Variants in CNTN1 observed in about 807,000 individuals in gnomAD.
CNTN1 encodes the protein contactin-1.
Under a neutral mutation model 126.4 loss-of-function variants are expected in CNTN1, and 38 were observed. The observed-to-expected ratio is 0.30, with a 90% confidence interval of 0.23 to 0.39. CNTN1 has a LOEUF of 0.39. Ranked by LOEUF, CNTN1 falls within the 10% of genes least tolerant of loss-of-function variation. The probability of loss-of-function intolerance (pLI) is 1.00; values close to 1 mark genes in which losing one functional copy is unlikely to be tolerated. For missense variants in CNTN1, 1,009 were observed against 1,248.4 expected, an observed-to-expected ratio of 0.81 and a Z score of 2.89; for synonymous variants, 413 against 422.6, an observed-to-expected ratio of 0.98 and a Z score of 0.28.
intron 1 of CNTN1, among the ~76,000 whole-genome samples, chr12:40,782,971 A>T (rs1476210945): frequency 6.6e-6 from 1 of 151,998 alleles, no homozygotes; most frequent in East Asian, 1.9e-4. Flanking sequence ...GATTAGATGA[A>T]AGGAATAAAG....
chr12:40,982,248 C>G (rs1432745081), intron 16 of CNTN1, among the ~76,000 whole-genome samples: 1 of 152,024 alleles, frequency 6.6e-6, no homozygotes, highest in African/African-American at 2.4e-5. Flanking sequence ...TAAGAATTAT[C>G]TGTAAATATT....
chr12:40,794,668 G>A (rs1197633422), intron 1 of CNTN1, among the ~76,000 whole-genome samples: 4 of 151,990 alleles, frequency 2.6e-5, no homozygotes, highest in Non-Finnish European at 4.4e-5. Context: ...ATGTACAGAG[G>A]TTTACAGCAC....
intron 6 of CNTN1, among the ~76,000 whole-genome samples, chr12:40,925,354 G>A (rs1044285663): frequency 2.6e-5 from 4 of 151,186 alleles, no homozygotes; most frequent in African/African-American, 9.7e-5. Context: ...TATTCTTTTA[G>A]TTCTAATATT....
At position 40,951,714 on chromosome 12, in the gene CNTN1, TTAAAAAAAAAAAA is replaced by T. The variant is rs1467214072; in HGVS notation, c.1684-7399_1684-7387del. Among the ~76,000 whole-genome samples the T allele has an allele frequency of 7.5e-5, 6 of 79,626 alleles. No individual in the cohort carries two copies. The East Asian group carries it at 1.6e-3, about 22-fold the overall frequency. 52.2% of individuals were successfully genotyped at this position (79,626 alleles called of 152,430 possible). ...AAAGAGTGAGACTTTGTCTCAAAATTTAAAAAAAAAAAAAAAAAAAAAAAAAAAGAAGAAAAGG... is the reference window on the plus strand; with the variant it reads ...AAAGAGTGAGACTTTGTCTCAAAATTAAAAAAAAAAAAAAAGAAGAAAAGG... On this transcript the variant is annotated intron_variant, in intron 14 of 23. Transcript: ENST00000551295.
In CNTN1 at chr12:40,958,870, G is replaced by C. The variant is rs180841613; in HGVS notation, c.1684-244G>C. On this transcript the variant is annotated intron_variant, in intron 14 of 23. Coordinates refer to ENST00000551295, the MANE Select transcript of CNTN1 (RefSeq NM_001843.4). ...TGAGTTTCTCTCGATATAACCCTCTGATTGTGGAAATAATAGAATGTTAAA... is the reference window on the plus strand; with the variant it reads ...TGAGTTTCTCTCGATATAACCCTCTCATTGTGGAAATAATAGAATGTTAAA... 1.5e-4 allele frequency among the ~76,000 whole-genome samples: 23 copies of C among 152,080 alleles called. No individual in the cohort carries two copies. The East Asian group carries it at 3.7e-3, about 24-fold the overall frequency.
intron 9 of CNTN1, among the ~76,000 whole-genome samples, 177 bp downstream of exon 9, chr12:40,934,055 T>C (rs971902213): frequency 5.9e-5 from 9 of 152,082 alleles, no homozygotes; most frequent in Admixed American, 3.9e-4. Flanking sequence ...CTATGAGTTA[T>C]AGAAGTTACG....
intron 1 of CNTN1, among the ~76,000 whole-genome samples, chr12:40,836,658 T>C (rs1942071331): frequency 6.6e-6 from 1 of 152,184 alleles, no homozygotes; most frequent in South Asian, 2.1e-4. Flanking sequence ...AATCAAAGGA[T>C]ACATAGGATA....
intron 17 of CNTN1, among the ~76,000 whole-genome samples, chr12:41,009,699 G>A (rs925965358): frequency 6.6e-6 from 1 of 152,194 alleles, no homozygotes; most frequent in Non-Finnish European, 1.5e-5. Flanking sequence ...GCATCATCAG[G>A]TTATTAGTAA....
intron 23 of CNTN1, among the ~76,000 whole-genome samples, chr12:41,041,434 T>C (rs1949406509): frequency 1.3e-5 from 2 of 152,196 alleles, no homozygotes; most frequent in Non-Finnish European, 2.9e-5. Context: ...CCTCATAAAA[T>C]GAGTTAGGGA....
chr12:40,960,924 G>A (rs1340300667), intron 15 of CNTN1, among the ~76,000 whole-genome samples: 1 of 151,916 alleles, frequency 6.6e-6, no homozygotes, highest in Non-Finnish European at 1.5e-5. Flanking sequence ...ACAGTGTGTG[G>A]ACATAAATGT....
chr12:40,697,434 G>A (rs1459942201), intron 1 of CNTN1, among the ~76,000 whole-genome samples: 1 of 152,124 alleles, frequency 6.6e-6, no homozygotes, highest in African/African-American at 2.4e-5. Flanking sequence ...TTATTGGAGT[G>A]TTCATATTTT....
intron 1 of CNTN1, among the ~76,000 whole-genome samples, chr12:40,706,195 C>T (rs1027435952): frequency 4.0e-5 from 6 of 151,680 alleles, no homozygotes; most frequent in South Asian, 2.1e-4. Context: ...TATACATGTG[C>T]CATGTTGGTG....
At chr12:40,715,925 TG>T (rs1942035659) in intron 1 of CNTN1, among the ~76,000 whole-genome samples, 1 of 152,086 alleles carries the variant, frequency 6.6e-6, no homozygotes, top group Admixed American at 6.6e-5. Flanking sequence ...TTAGTTAGTT[TG>T]GGCTTGCATC....
chr12:40,849,697 A>C (rs1942647883), intron 1 of CNTN1, among the ~76,000 whole-genome samples: 2 of 152,108 alleles, frequency 1.3e-5, no homozygotes. Flanking sequence ...CTTTGTAGTA[A>C]TTGCTAATGT....
At chr12:40,739,429 A>T (rs1227117209) in intron 1 of CNTN1, among the ~76,000 whole-genome samples, 1 of 152,106 alleles carries the variant, frequency 6.6e-6, no homozygotes, top group Non-Finnish European at 1.5e-5. Flanking sequence ...GAATGATTAA[A>T]AAACAATTTC....
chr12:41,035,232 G>A (rs1170637739), intron 23 of CNTN1, among the ~76,000 whole-genome samples: 3 of 152,108 alleles, frequency 2.0e-5, no homozygotes, highest in Non-Finnish European at 4.4e-5. Context: ...TGTAAGAATG[G>A]AAAGGAAATT....
chr12:40,828,447 G>A (rs544276657), intron 1 of CNTN1: 2 of 152,134 alleles, frequency 1.3e-5, no homozygotes, highest in African/African-American at 4.8e-5. Context: ...TACGTTAAAC[G>A]AGAGGTGACT....
chr12:40,716,580 C>T (rs1942055702), intron 1 of CNTN1, among the ~76,000 whole-genome samples: 1 of 152,214 alleles, frequency 6.6e-6, no homozygotes, highest in East Asian at 1.9e-4. Flanking sequence ...TATCTAGAGA[C>T]TGAGACACTA....
rs1948132707 is a variant in CNTN1 at position 40,993,143 on chromosome 12, A to C, written c.1987A>C (p.Met663Leu). 1 of 1,613,590 alleles carries C rather than the reference A, an allele frequency of 6.2e-7. No homozygotes were observed. The highest frequency in any genetic ancestry group is 2.2e-5 in the East Asian group (1 of 44,858). Reference protein sequence around the residue: ...KTDPPIIEGNMEAARAVDLIP... With the variant: ...KTDPPIIEGNLEAARAVDLIP... ...AGATCCCCCAATTATTGAAGGAAAT[A>C]TGGAGGCAGCAAGAGCAGTGGACTT... Residue 663 changes from methionine to leucine, a missense_variant, in exon 17 of 24, where the codon ATG becomes CTG. Physicochemically the swap from Met to Leu is conservative, Grantham distance 15. Coordinates refer to ENST00000551295, the MANE Select transcript of CNTN1 (RefSeq NM_001843.4).
Sources: allele counts gnomAD v4.1 joint callset (sites outside exome capture counted in the v4.1 genomes callset), GRCh38; gene constraint gnomAD v4.1.1; transcripts MANE v1.5; gene names NCBI Gene and HGNC (gene_info 2026-07-23, HGNC 2026-07-21).